Variants in NEK5 observed in about 807,000 individuals in gnomAD.
NEK5 encodes the protein NIMA related kinase 5.
In NEK5, 88 loss-of-function variants were observed where a neutral mutation model predicts 109.2. The observed-to-expected ratio is 0.81, with a 90% CI of 0.68 to 0.96. NEK5 has a LOEUF of 0.96. Among genes scored for constraint, NEK5 ranks in the 40% least tolerant of loss-of-function variants. The pLI, the probability that NEK5 is intolerant of heterozygous loss-of-function variation, is 0.00. For missense variants in NEK5, 834 were observed against 920.7 expected (o/e 0.91, Z 1.22); for synonymous variants, 283 against 299.9 (o/e 0.94, Z 0.58).
In NEK5 at chr13:52,037,229, A is replaced by C. The variant is rs1250909827; in HGVS notation, c.2229-11T>G. The C allele has an allele frequency of 1.0e-6, 1 of 976,090 alleles. No individual in the cohort carries two copies. The highest frequency in any genetic ancestry group is 1.2e-6 in the Non-Finnish European group (1 of 821,624). The allele number at this position is 976,090 out of a possible 1,614,324, so 60.5% of individuals were successfully genotyped here. A position where few individuals can be genotyped will look rare whatever the true frequency, so the allele number is the denominator to read the frequency against. ...GATTCTTCAAAATTTCTGAAATAAT[A>C]AGCAGTAAAAATCAGCATTATGATA... On this transcript the variant is annotated splice_polypyrimidine_tract_variant and intron_variant, in intron 23 of 23. Coordinates refer to ENST00000684899, the MANE Select transcript of NEK5 (RefSeq NM_001365552.1).
chr13:52,082,401 T>G, intron 17 of NEK5: 1 of 1,121,366 alleles, frequency 8.9e-7, no homozygotes, highest in South Asian at 1.6e-5. Flanking sequence ...CACTTGGGCT[T>G]CTTATTCGCA....
rs754838995 is a variant in NEK5 at position 52,093,188 on chromosome 13, A to G, written c.1074T>C (p.Tyr358=). 6.2e-7 allele frequency: 1 copy of G among 1,613,696 alleles called. No homozygotes were observed. The highest frequency in any genetic ancestry group is 8.5e-7 in the Non-Finnish European group (1 of 1,179,644). The stretch of plus-strand genomic sequence containing the variant: ...TATCAAGTTGAGCATAATAATAATC[A>G]TAATGTCCACAGACAGCAGCAATTT... ...RPKIAAVCGH[Y]DYYYAQLDML... is the part of the protein sequence containing the mutation. The change falls in exon 13 of 24, where the codon TAT becomes TAC. Residue 358 remains tyrosine (Y), a synonymous_variant. Coordinates refer to ENST00000684899, the MANE Select transcript of NEK5 (RefSeq NM_001365552.1).
chr13:52,040,113 T>G (rs1954400870), intron 23 of NEK5, among the ~76,000 whole-genome samples: 1 of 141,560 alleles, frequency 7.1e-6, no homozygotes, highest in African/African-American at 2.6e-5. Flanking sequence ...GAGAGAAATC[T>G]CACTTTTGTC....
intron 3 of NEK5, among the ~76,000 whole-genome samples, chr13:52,124,351 A>T (rs1048968262): frequency 1.3e-5 from 2 of 152,250 alleles, no homozygotes; most frequent in South Asian, 4.1e-4. Flanking sequence ...CTTTCTTTGT[A>T]CATATATGAA....
intron 22 of NEK5, among the ~76,000 whole-genome samples, chr13:52,057,525 T>C (rs1487767893): frequency 6.6e-6 from 1 of 152,110 alleles, no homozygotes; most frequent in Non-Finnish European, 1.5e-5. Flanking sequence ...ATATCCTTGA[T>C]GAACATTGAT....
At chr13:52,053,345 C>T (rs574931975) in intron 22 of NEK5, among the ~76,000 whole-genome samples, 21 of 152,180 alleles carry the variant, frequency 1.4e-4, no homozygotes, top group African/African-American at 4.6e-4. Context: ...TATTTGAAAA[C>T]TGGCAAATGA....
chr13:52,087,516 G>C, intron 14 of NEK5, 62 bp from the exon 15 acceptor site: 1 of 835,416 alleles, frequency 1.2e-6, no homozygotes, highest in Admixed American at 2.1e-5. Flanking sequence ...CTTCTGATTT[G>C]ACATTGACTT....
intron 12 of NEK5, among the ~76,000 whole-genome samples, chr13:52,093,891 C>T (rs1955349573): frequency 6.6e-6 from 1 of 152,108 alleles, no homozygotes; most frequent in Non-Finnish European, 1.5e-5. Flanking sequence ...CTCATTTATA[C>T]CTTACCATAC....
At chr13:52,088,611 C>T (rs767454758) in intron 14 of NEK5, among the ~76,000 whole-genome samples, 1 of 151,996 alleles carries the variant, frequency 6.6e-6, no homozygotes, top group Admixed American at 6.6e-5. Context: ...CAAAGCACTA[C>T]AGCACTGCAA....
rs138059745 is a variant in NEK5 at position 52,065,533 on chromosome 13, C to T, written c.1926G>A (p.Gln642=). The T allele has an allele frequency of 1.3e-4, 208 of 1,614,038 alleles. No individual in the cohort carries two copies. In the East Asian group the frequency reaches 1.9e-3, roughly 15 times the overall value. ...WDGGAPQTLL[Q]MMAVADITST... ...AGGTGATGTCGGCCACTGCCATCAT[C>T]TGCAGCAGAGTCTGAGGCGCTCCTC... The change falls in exon 21 of 24, where the codon CAG becomes CAA. Residue 642 remains glutamine (Q), a synonymous_variant. Transcript: ENST00000684899.
At chr13:52,070,595 T>G (rs1954768072) in intron 20 of NEK5, among the ~76,000 whole-genome samples, 1 of 152,212 alleles carries the variant, frequency 6.6e-6, no homozygotes, top group African/African-American at 2.4e-5. Flanking sequence ...AAATGTGACT[T>G]GCTTTTCCTT....
chr13:52,077,425 C>T (rs150440042), intron 17 of NEK5, among the ~76,000 whole-genome samples: 223 of 152,290 alleles, frequency 1.5e-3, no homozygotes, highest in African/African-American at 5.1e-3. Flanking sequence ...CCTGCAACTG[C>T]CCCAGCCTCC....
At chr13:52,044,998 C>A (rs1429753395) in intron 23 of NEK5, among the ~76,000 whole-genome samples, 3 of 151,556 alleles carry the variant, frequency 2.0e-5, no homozygotes, top group Non-Finnish European at 4.4e-5. Context: ...GGGACCTAGC[C>A]CTCAAAATAA....
intron 4 of NEK5, among the ~76,000 whole-genome samples, chr13:52,117,974 G>A (rs1447891068): frequency 1.3e-5 from 2 of 152,272 alleles, no homozygotes; most frequent in East Asian, 3.9e-4. Context: ...GGCTTTCCTT[G>A]AAAGTTATTC....
intron 22 of NEK5, among the ~76,000 whole-genome samples, chr13:52,060,922 T>C (rs1310256566): frequency 6.6e-6 from 1 of 152,024 alleles, no homozygotes; most frequent in African/African-American, 2.4e-5. Flanking sequence ...TGGAGAGCAG[T>C]GATCATAGTT....
chr13:52,065,461 A>G, intron 21 of NEK5, 23 bp downstream of exon 21: 1 of 1,614,160 alleles, frequency 6.2e-7, no homozygotes, highest in Non-Finnish European at 8.5e-7. Flanking sequence ...CTTCCTGACG[A>G]CTGACGCTAA....
intron 17 of NEK5, among the ~76,000 whole-genome samples, chr13:52,080,481 C>T (rs1954982302): frequency 6.6e-6 from 1 of 152,150 alleles, no homozygotes; most frequent in African/African-American, 2.4e-5. Context: ...ATTGAGAAAT[C>T]GGATGGTTGC....
In NEK5 at chr13:52,036,257, G is replaced by T. The variant is rs963450948; in HGVS notation, c.*691C>A. 1 of 152,260 alleles carries T rather than the reference G, an allele frequency of 6.6e-6. No homozygotes were observed. Among genetic ancestry groups the T allele is most frequent in the African/African-American group, 2.4e-5 (1 of 41,542 alleles). 9.4% of individuals were successfully genotyped at this position (152,260 alleles called of 1,614,324 possible). On this transcript the variant is annotated 3_prime_UTR_variant, in exon 24 of 24. Transcript: ENST00000684899. Reference sequence around the variant, plus strand: ...TCTCTTTTGTCTTCCTCTTCCACTTGTAAGGACCCTTGTGATTACACTGCA... The same window carrying T: ...TCTCTTTTGTCTTCCTCTTCCACTTTTAAGGACCCTTGTGATTACACTGCA...
chr13:52,116,355 A>G (rs1355326837), intron 4 of NEK5, among the ~76,000 whole-genome samples: 1 of 152,170 alleles, frequency 6.6e-6, no homozygotes, highest in East Asian at 1.9e-4. Context: ...AATATAAAAT[A>G]AAACTCTGTG....
Sources: gnomAD v4.1 joint callset for allele counts (sites outside exome capture counted in the v4.1 genomes callset) on GRCh38, gnomAD v4.1.1 for gene constraint, MANE v1.5 for transcripts, NCBI Gene and HGNC (gene_info 2026-07-23, HGNC 2026-07-21) for gene names.